PKIB: variants seen among roughly 807,000 people sequenced by gnomAD.
PKIB encodes the protein PKI-beta.
In PKIB, 2 loss-of-function variants were observed where a neutral mutation model predicts 4.5. That is an observed-to-expected ratio of 0.44 (90% CI 0.18 to 1.39). The LOEUF is 1.39. Ranked by LOEUF, PKIB falls within the 40% of genes most tolerant of loss-of-function variation. The pLI is 0.27. For synonymous variants in PKIB, 38 were observed against 36.0 expected, an observed-to-expected ratio of 1.06 and a Z score of -0.20; for missense variants, 94 against 92.6, an observed-to-expected ratio of 1.02 and a Z score of -0.06.
At chr6:122,543,255 C>T (rs559541922) in intron 2 of PKIB, among the ~76,000 whole-genome samples, 49 of 152,058 alleles carry the variant, frequency 3.2e-4, no homozygotes, top group Non-Finnish European at 5.9e-4. Context: ...AACCCAGTAC[C>T]TCAGATGGAA....
intron 2 of PKIB, among the ~76,000 whole-genome samples, chr6:122,549,048 A>G (rs2114651435): frequency 6.6e-6 from 1 of 152,326 alleles, no homozygotes; most frequent in East Asian, 1.9e-4. Context: ...AAACTGTCAA[A>G]TCATAGCCAA....
intron 2 of PKIB, among the ~76,000 whole-genome samples, chr6:122,663,906 A>C (rs1334042291): frequency 1.3e-5 from 2 of 152,198 alleles, no homozygotes; most frequent in Non-Finnish European, 2.9e-5. Context: ...GTTTCAGACC[A>C]ATGCCTCAGA....
intron 2 of PKIB, among the ~76,000 whole-genome samples, chr6:122,649,404 T>A (rs1776458158): frequency 6.6e-6 from 1 of 152,200 alleles, no homozygotes; most frequent in South Asian, 2.1e-4. Context: ...CAGTAGAGCA[T>A]TGGCATTGGC....
At chr6:122,561,684 T>G (rs1434028526) in intron 2 of PKIB, among the ~76,000 whole-genome samples, 1 of 152,168 alleles carries the variant, frequency 6.6e-6, no homozygotes, top group Non-Finnish European at 1.5e-5. Context: ...TTTGACTCTT[T>G]TAACTGCTGT....
At chr6:122,548,590 C>T (rs970793683) in intron 2 of PKIB, among the ~76,000 whole-genome samples, 2 of 152,112 alleles carry the variant, frequency 1.3e-5, no homozygotes, top group Non-Finnish European at 2.9e-5. Flanking sequence ...AATAGGAATA[C>T]AAAATAGAGT....
intron 3 of PKIB, among the ~76,000 whole-genome samples, chr6:122,686,995 C>T (rs893328194): frequency 2.0e-4 from 31 of 152,162 alleles, no homozygotes; most frequent in African/African-American, 7.0e-4. Context: ...TCCATTTTTG[C>T]TTTGGGTGCC....
chr6:122,656,908 T>C (rs954845843), intron 2 of PKIB, among the ~76,000 whole-genome samples: 2 of 152,240 alleles, frequency 1.3e-5, no homozygotes, highest in Non-Finnish European at 2.9e-5. Context: ...AAATACTCCT[T>C]AAGTTCTCAT....
chr6:122,658,532 A>AT (rs1582784149), intron 2 of PKIB, among the ~76,000 whole-genome samples: 2 of 152,016 alleles, frequency 1.3e-5, no homozygotes, highest in Admixed American at 1.3e-4. Context: ...TTATACTCTT[A>AT]TTTTTTGTAT....
At chr6:122,491,240 T>G (rs951851015) in intron 2 of PKIB, among the ~76,000 whole-genome samples, 2 of 152,188 alleles carry the variant, frequency 1.3e-5, no homozygotes, top group Non-Finnish European at 2.9e-5. Context: ...CCTGTTCTCA[T>G]GCACAGTGTG....
Position 122,619,300 on chromosome 6 carries a change from A to G in PKIB, c.-161+8765A>G, listed in dbSNP as rs1978659. 9.9e-3 allele frequency among the ~76,000 whole-genome samples: 1,507 copies of G among 152,278 alleles called. 24 individuals are homozygous for G. The highest frequency in any genetic ancestry group is 0.032 in the African/African-American group (1,348 of 41,564). On this transcript the variant is annotated intron_variant, in intron 1 of 4. Transcript: ENST00000368452. Reference sequence around the variant, plus strand: ...TTCCCACTTGTAAAAGTATTCACCTACATTTGCTTTTAGTACTTTTTACAT... The same window carrying G: ...TTCCCACTTGTAAAAGTATTCACCTGCATTTGCTTTTAGTACTTTTTACAT...
rs9490493 is a variant in PKIB, at chr6:122,612,794, T to A, written c.-161+2259T>A. On this transcript the variant is annotated intron_variant, in intron 1 of 4. Transcript: ENST00000368452. The stretch of plus-strand genomic sequence containing the variant: ...TTGTGAGTACCCGTTTTCATTTCTC[T>A]TGGGTAGATGCTTAACAGTGAAATT... Among the ~76,000 whole-genome samples the A allele has an allele frequency of 7.3e-4, 111 of 152,280 alleles. 1 individual carries two copies. Among genetic ancestry groups the A allele is most frequent in the African/African-American group, 2.7e-3 (111 of 41,562 alleles).
At chr6:122,605,990 G>T (rs188107810), upstream of PKIB, among the ~76,000 whole-genome samples, 1 of 152,252 alleles carries the variant, frequency 6.6e-6, no homozygotes, top group Non-Finnish European at 1.5e-5. Flanking sequence ...TGGACTGAAT[G>T]GTGGTCTCTA....
chr6:122,686,247 T>A (rs192447781), intron 3 of PKIB, among the ~76,000 whole-genome samples: 1 of 152,302 alleles, frequency 6.6e-6, no homozygotes, highest in East Asian at 1.9e-4. Context: ...CCACAGTGAT[T>A]GTACAAATTT....
chr6:122,675,005 A>G (rs1777615573), intron 2 of PKIB, 73 bp from the exon 3 acceptor site: 1 of 152,456 alleles, frequency 6.6e-6, no homozygotes, highest in Admixed American at 6.6e-5. Context: ...TAAAAAGCCA[A>G]AAGTAATTAA....
At chr6:122,552,019 G>C (rs993510134) in intron 2 of PKIB, among the ~76,000 whole-genome samples, 1 of 151,380 alleles carries the variant, frequency 6.6e-6, no homozygotes, top group African/African-American at 2.4e-5. Context: ...ATGTCATGTT[G>C]GTTCTCTGCT....
At chr6:122,620,005 A>G (rs923933385) in intron 1 of PKIB, among the ~76,000 whole-genome samples, 1 of 152,016 alleles carries the variant, frequency 6.6e-6, no homozygotes, top group Admixed American at 6.6e-5. Context: ...TTCCTATTGG[A>G]GACTGTTTAT....
intron 2 of PKIB, among the ~76,000 whole-genome samples, chr6:122,540,009 A>G (rs143930357): frequency 0.028 from 4,182 of 151,906 alleles, 228 homozygotes; most frequent in African/African-American, 0.097. Flanking sequence ...TTGTATTTCT[A>G]TGGGATCGGT....
At chr6:122,629,783 A>G (rs905633427) in intron 1 of PKIB, among the ~76,000 whole-genome samples, 1 of 152,338 alleles carries the variant, frequency 6.6e-6, no homozygotes, top group South Asian at 2.1e-4. Context: ...GCAAATCCCA[A>G]TTGAAAGGCA....
At chr6:122,664,493 C>T (rs1777137854) in intron 2 of PKIB, among the ~76,000 whole-genome samples, 1 of 152,136 alleles carries the variant, frequency 6.6e-6, no homozygotes, top group South Asian at 2.1e-4. Context: ...CTCACTGTAA[C>T]CTCAAACTCC....
Sources: gnomAD v4.1 joint callset for allele counts (sites outside exome capture counted in the v4.1 genomes callset) on GRCh38, gnomAD v4.1.1 for gene constraint, MANE v1.5 for transcripts, NCBI Gene and HGNC (gene_info 2026-07-23, HGNC 2026-07-21) for gene names.